The following ADAM18 variants were observed in gnomAD, a reference collection of about 807,000 sequenced individuals.
ADAM18 encodes ADAM metallopeptidase domain 18, also known as disintegrin and metalloproteinase domain-containing protein 18.
In ADAM18, 117 loss-of-function variants were observed where a neutral mutation model predicts 94.4. That is an observed-to-expected ratio of 1.24 (90% CI 1.07 to 1.45). The LOEUF (loss-of-function observed/expected upper bound fraction) is 1.45. Ranked by LOEUF, ADAM18 falls within the 40% of genes most tolerant of loss-of-function variation. The probability of loss-of-function intolerance (pLI) is 0.00; values close to 1 mark genes in which losing one functional copy is unlikely to be tolerated. For missense variants in ADAM18, 936 were observed against 880.0 expected, an observed-to-expected ratio of 1.06 and a Z score of -0.81; for synonymous variants, 327 against 291.6, an observed-to-expected ratio of 1.12 and a Z score of -1.24.
chr8:39,648,953 C>A (rs759351152), intron 12 of ADAM18, among the ~76,000 whole-genome samples: 6 of 152,032 alleles, frequency 3.9e-5, no homozygotes, highest in Non-Finnish European at 8.8e-5. Context: ...CTCAGACATT[C>A]CTGCATTTAC....
intron 2 of ADAM18, among the ~76,000 whole-genome samples, chr8:39,593,210 C>T (rs1000283364): frequency 1.3e-5 from 2 of 152,094 alleles, no homozygotes; most frequent in African/African-American, 4.8e-5. Flanking sequence ...GTTTGATTGT[C>T]TATCCAGACG....
intron 16 of ADAM18, among the ~76,000 whole-genome samples, chr8:39,686,529 C>T (rs1232277656): frequency 6.6e-6 from 1 of 152,156 alleles, no homozygotes; most frequent in African/African-American, 2.4e-5. Flanking sequence ...CTACGGGATC[C>T]ACTTTTTAAT....
Position 39,626,579 on chromosome 8 carries a change from C to G in ADAM18, c.523-2795C>G, listed in dbSNP as rs1585912806. ...CCTCTCAGCGCTGCATTTGCTGTAT[C>G]CCAGAGGTTTTGATAATTTGTATTA... On this transcript the variant is annotated intron_variant, in intron 6 of 19. Coordinates refer to ENST00000265707, the MANE Select transcript of ADAM18 (RefSeq NM_014237.3). Among the ~76,000 whole-genome samples the G allele has an allele frequency of 3.3e-5, 5 of 151,904 alleles. No individual in the cohort carries two copies. The South Asian group carries it at 8.3e-4, about 25-fold the overall frequency.
At chr8:39,723,994 T>A (rs1275151637) in intron 19 of ADAM18, 87 bp downstream of exon 19, 4 of 815,886 alleles carry the variant, frequency 4.9e-6, no homozygotes, top group African/African-American at 3.7e-5. Context: ...TTTGTTATAT[T>A]AATTCTTAAA....
chr8:39,714,943 A>G (rs1822529606), intron 18 of ADAM18, among the ~76,000 whole-genome samples: 1 of 152,116 alleles, frequency 6.6e-6, no homozygotes, highest in African/African-American at 2.4e-5. Flanking sequence ...AATTTACTGT[A>G]TATAATTGAC....
intron 2 of ADAM18, among the ~76,000 whole-genome samples, chr8:39,597,653 A>G (rs1460458198): frequency 6.6e-6 from 1 of 152,184 alleles, no homozygotes. Flanking sequence ...TTCTTTAGCC[A>G]ATACCACAAT....
chr8:39,675,009 C>T (rs925764857), intron 14 of ADAM18, among the ~76,000 whole-genome samples: 29 of 152,300 alleles, frequency 1.9e-4, no homozygotes, highest in African/African-American at 6.7e-4. Flanking sequence ...GTCTGATGGG[C>T]TTCCCTTTGT....
intron 18 of ADAM18, among the ~76,000 whole-genome samples, chr8:39,715,786 T>C (rs1341949083): frequency 1.3e-5 from 2 of 152,026 alleles, no homozygotes; most frequent in Non-Finnish European, 2.9e-5. Flanking sequence ...ACTAAAAGAA[T>C]TAAATCAATA....
chr8:39,630,070 T>A (rs1488098368), intron 7 of ADAM18, among the ~76,000 whole-genome samples: 2 of 152,170 alleles, frequency 1.3e-5, no homozygotes, highest in African/African-American at 4.8e-5. Context: ...ACTAATTCAG[T>A]TTGTTGCCTT....
At chr8:39,679,975 A>G (rs1477061828) in intron 15 of ADAM18, 62 bp from the exon 16 acceptor site, 2 of 1,515,068 alleles carry the variant, frequency 1.3e-6, no homozygotes, top group Non-Finnish European at 1.8e-6. Context: ...TGCAGTACTC[A>G]CTTGGAACTT....
chr8:39,687,120 A>AT (rs1202427273), intron 16 of ADAM18, among the ~76,000 whole-genome samples: 1 of 152,176 alleles, frequency 6.6e-6, no homozygotes, highest in Admixed American at 6.5e-5. Context: ...ATATAAAGCT[A>AT]TTTTTCACAT....
In ADAM18 at chr8:39,663,425, C is replaced by CAA. The variant is rs374386277; in HGVS notation, c.1231-355_1231-354dup. 5.2e-3 allele frequency among the ~76,000 whole-genome samples: 533 copies of CAA among 102,716 alleles called. 8 individuals carry two copies. Among genetic ancestry groups the CAA allele is most frequent in the African/African-American group, 0.016 (367 of 23,324 alleles). 67.4% of individuals were successfully genotyped at this position (102,716 alleles called of 152,430 possible). ...GCAAGATAGTGACACCTAGTCTTTA[C>CAA]AAAAAAAAAAAAAAAAGAAAAAAAA... On this transcript the variant is annotated intron_variant, in intron 12 of 19. Transcript: ENST00000265707.
At chr8:39,634,618 G>C (rs1820028147) in intron 7 of ADAM18, among the ~76,000 whole-genome samples, 1 of 152,080 alleles carries the variant, frequency 6.6e-6, no homozygotes, top group South Asian at 2.1e-4. Context: ...CATTGGCTTG[G>C]GACCTGCTAT....
intron 12 of ADAM18, among the ~76,000 whole-genome samples, chr8:39,656,859 A>T (rs1820699010): frequency 6.6e-6 from 1 of 152,220 alleles, no homozygotes; most frequent in Non-Finnish European, 1.5e-5. Context: ...GCATAATTTG[A>T]AAACAACAAA....
chr8:39,688,259 G>A (rs928769666), intron 16 of ADAM18, among the ~76,000 whole-genome samples: 3 of 151,868 alleles, frequency 2.0e-5, no homozygotes, highest in African/African-American at 7.3e-5. Flanking sequence ...TAAGTTCAGG[G>A]GTACATGTGA....
chr8:39,711,189 A>C (rs1413398815), intron 18 of ADAM18, among the ~76,000 whole-genome samples: 2 of 152,228 alleles, frequency 1.3e-5, no homozygotes, highest in Non-Finnish European at 2.9e-5. Context: ...CAAAGCCAAA[A>C]AATACAGTCT....
At chr8:39,672,167 C>A (rs1419973855) in intron 14 of ADAM18, among the ~76,000 whole-genome samples, 1 of 152,124 alleles carries the variant, frequency 6.6e-6, no homozygotes, top group South Asian at 2.1e-4. Flanking sequence ...AGTGGGAATA[C>A]TGTAATCTAT....
intron 16 of ADAM18, among the ~76,000 whole-genome samples, chr8:39,683,712 T>A (rs1821530855): frequency 6.6e-6 from 1 of 152,260 alleles, no homozygotes; most frequent in Non-Finnish European, 1.5e-5. Flanking sequence ...CTGAGTAAAG[T>A]ATCTGATCAT....
chr8:39,605,637 A>C (rs1446550907), intron 2 of ADAM18: 1 of 173,932 alleles, frequency 5.7e-6, no homozygotes, highest in Non-Finnish European at 1.3e-5. Context: ...AGAAGCAGTT[A>C]ATATAGTGTT....
Sources: allele counts gnomAD v4.1 joint callset (sites outside exome capture counted in the v4.1 genomes callset), GRCh38; gene constraint gnomAD v4.1.1; transcripts MANE v1.5; gene names NCBI Gene and HGNC (gene_info 2026-07-23, HGNC 2026-07-21).